The following SHANK2 variants were observed in gnomAD, a reference collection of about 807,000 sequenced individuals.
SHANK2 encodes SH3 and multiple ankyrin repeat domains protein 2.
Under a neutral mutation model 133.7 loss-of-function variants are expected in SHANK2, and 43 were observed. The observed-to-expected ratio is 0.32, with a 90% CI of 0.25 to 0.41. The LOEUF is 0.41. SHANK2 is among the 10% of genes least tolerant of loss of function. The pLI is 1.00. For synonymous variants in SHANK2, 1,017 were observed against 952.8 expected (o/e 1.07, Z -1.24); for missense variants, 1,994 against 2,235.8 (o/e 0.89, Z 2.18).
chr11:71,177,367 TACA>T (rs1953467564), intron 2 of SHANK2, among the ~76,000 whole-genome samples: 1 of 152,092 alleles, frequency 6.6e-6, no homozygotes, highest in African/African-American at 2.4e-5. Context: ...AAGAAAAATA[TACA>T]ACAATAGCAC....
chr11:70,483,483 G>A (rs983008710), intron 25 of SHANK2, among the ~76,000 whole-genome samples: 3 of 137,772 alleles, frequency 2.2e-5, no homozygotes, highest in Non-Finnish European at 3.0e-5. Flanking sequence ...TGGTTCGTTT[G>A]AGCCCAGGAG....
intron 11 of SHANK2, among the ~76,000 whole-genome samples, chr11:70,881,566 T>G: frequency 8.6e-6 from 1 of 116,956 alleles, no homozygotes; most frequent in African/African-American, 3.1e-5. Flanking sequence ...ATAATATTAA[T>G]AATAATATTA....
intron 14 of SHANK2, among the ~76,000 whole-genome samples, chr11:70,728,783 C>T (rs1946224234): frequency 6.6e-6 from 1 of 152,236 alleles, no homozygotes; most frequent in Admixed American, 6.5e-5. Context: ...GACACTCACA[C>T]CTTCTCCTAC....
At chr11:70,787,797 C>T (rs1947702934) in intron 14 of SHANK2, among the ~76,000 whole-genome samples, 1 of 152,196 alleles carries the variant, frequency 6.6e-6, no homozygotes, top group African/African-American at 2.4e-5. Flanking sequence ...ATGCTCCAGC[C>T]TCCAGGTAAA....
chr11:71,119,190 T>C (rs782102283), intron 3 of SHANK2, among the ~76,000 whole-genome samples, 158 bp from the exon 4 acceptor site: 1 of 152,172 alleles, frequency 6.6e-6, no homozygotes, highest in African/African-American at 2.4e-5. Flanking sequence ...AAATAAAGCC[T>C]ACTGGTTGCT....
intron 1 of SHANK2, among the ~76,000 whole-genome samples, chr11:71,246,682 C>A (rs986485400): frequency 6.6e-6 from 1 of 152,108 alleles, no homozygotes; most frequent in African/African-American, 2.4e-5. Context: ...GCCCACCTCC[C>A]CTCCCTAACA....
At chr11:70,831,717 G>T (rs1948728639) in intron 11 of SHANK2, among the ~76,000 whole-genome samples, 1 of 152,272 alleles carries the variant, frequency 6.6e-6, no homozygotes, top group Non-Finnish European at 1.5e-5. Flanking sequence ...TCCTGGCGGG[G>T]ACGCCGTACC....
intron 11 of SHANK2, among the ~76,000 whole-genome samples, chr11:70,886,329 C>G (rs78087631): frequency 1.3e-5 from 2 of 152,126 alleles, no homozygotes; most frequent in Non-Finnish European, 1.5e-5. Flanking sequence ...TGCTGCAGAA[C>G]GCTAAGTAAA....
chr11:70,701,220 C>T (rs1945511829), intron 14 of SHANK2, among the ~76,000 whole-genome samples: 1 of 151,992 alleles, frequency 6.6e-6, no homozygotes, highest in African/African-American at 2.4e-5. Flanking sequence ...GTAAAGGAAC[C>T]ATTTCTAGGC....
intron 10 of SHANK2, among the ~76,000 whole-genome samples, chr11:70,927,480 AT>A (rs1950445070): frequency 1.3e-5 from 2 of 152,146 alleles, no homozygotes; most frequent in African/African-American, 4.8e-5. Flanking sequence ...GGGGCCCGAC[AT>A]GGGGAGAGGG....
chr11:71,098,789 T>A (rs1468109774), intron 6 of SHANK2, among the ~76,000 whole-genome samples: 1 of 152,108 alleles, frequency 6.6e-6, no homozygotes, highest in Non-Finnish European at 1.5e-5. Flanking sequence ...GCAATTCGCA[T>A]CACTTCTCTG....
intron 14 of SHANK2, among the ~76,000 whole-genome samples, chr11:70,764,038 T>TC (rs1947054178): frequency 1.4e-5 from 2 of 146,730 alleles, no homozygotes; most frequent in Admixed American, 6.9e-5. Flanking sequence ...AACTATCTGA[T>TC]TATTAAGTCA....
rs1188312420 is a variant in SHANK2, at chr11:70,825,048, C to T, written c.1175-4366G>A. Among the ~76,000 whole-genome samples the T allele has an allele frequency of 2.6e-5, 4 of 152,240 alleles. No individual in the cohort carries two copies. The East Asian group carries it at 7.7e-4, about 29-fold the overall frequency. On this transcript the variant is annotated intron_variant, in intron 11 of 25. Transcript: ENST00000601538. The stretch of plus-strand genomic sequence containing the variant: ...GGAGACATCACAGGGCCCCCAGTCA[C>T]GGAAACGCTGCCTCCCACAGCCGAC...
intron 11 of SHANK2, among the ~76,000 whole-genome samples, chr11:70,836,155 G>A (rs945204237): frequency 1.3e-5 from 2 of 152,238 alleles, no homozygotes; most frequent in Non-Finnish European, 2.9e-5. Flanking sequence ...GGAAGGCCCA[G>A]CTCTCAGTCC....
intron 10 of SHANK2, among the ~76,000 whole-genome samples, chr11:70,927,459 T>G (rs1045562423): frequency 2.0e-5 from 3 of 151,924 alleles, no homozygotes; most frequent in Non-Finnish European, 4.4e-5. Context: ...CTAGGCCAGG[T>G]TGGGACTGAT....
intron 14 of SHANK2, among the ~76,000 whole-genome samples, chr11:70,772,935 T>G (rs1339532530): frequency 6.6e-5 from 10 of 152,232 alleles, no homozygotes; most frequent in African/African-American, 2.4e-4. Flanking sequence ...ATACAATTGG[T>G]ATGCTATTCT....
chr11:71,101,127 A>C (rs1293305250), intron 6 of SHANK2, among the ~76,000 whole-genome samples: 1 of 152,174 alleles, frequency 6.6e-6, no homozygotes, highest in Non-Finnish European at 1.5e-5. Flanking sequence ...GCTGTCAATA[A>C]CAGGCGAGCT....
Position 70,807,836 on chromosome 11 carries a change from A to C in SHANK2, c.1494-665T>G, listed in dbSNP as rs1232037949. Among the ~76,000 whole-genome samples, 2 of 152,052 alleles carry C rather than the reference A, an allele frequency of 1.3e-5. No homozygotes were observed. Among genetic ancestry groups the C allele is most frequent in the South Asian group, 2.1e-4 (1 of 4,820 alleles). ...CAGAGTGAGACTCTGTCTCCAAAAAAAAAAAGTAAACTGTGACACAGGCTA... is the reference window on the plus strand; with the variant it reads ...CAGAGTGAGACTCTGTCTCCAAAAACAAAAAGTAAACTGTGACACAGGCTA... On this transcript the variant is annotated intron_variant, in intron 12 of 25. Transcript: ENST00000601538. The surrounding 1 kb of genome is among the most constrained non-coding windows in gnomAD (Gnocchi z 4.8).
chr11:70,843,771 C>G (rs188423170), intron 11 of SHANK2, among the ~76,000 whole-genome samples: 6 of 152,222 alleles, frequency 3.9e-5, no homozygotes, highest in Admixed American at 1.3e-4. Flanking sequence ...GAGACTGATA[C>G]AGGGCTCAAC....
Sources: gnomAD v4.1 joint callset for allele counts (sites outside exome capture counted in the v4.1 genomes callset) on GRCh38, gnomAD v4.1.1 for gene constraint, Gnocchi (gnomAD v3.1) non-coding constraint, MANE v1.5 for transcripts, NCBI Gene and HGNC (gene_info 2026-07-23, HGNC 2026-07-21) for gene names.